WWOX: variants seen among roughly 807,000 people sequenced by gnomAD.
WWOX encodes WW domain containing oxidoreductase, also known as WW domain-containing oxidoreductase.
A neutral mutation model predicts 46.2 loss-of-function variants in WWOX; 69 were observed. That is an observed-to-expected ratio of 1.49 (90% CI 1.23 to 1.82). The LOEUF (loss-of-function observed/expected upper bound fraction) is 1.82. WWOX is among the 40% of genes most tolerant of loss of function. The pLI, the probability that WWOX is intolerant of heterozygous loss-of-function variation, is 0.00. For synonymous variants in WWOX, 359 were observed against 202.6 expected, an observed-to-expected ratio of 1.77 and a Z score of -6.56; for missense variants, 919 against 542.6, an observed-to-expected ratio of 1.69 and a Z score of -6.89.
At chr16:78,495,209 C>T (rs540472619) in intron 8 of WWOX, among the ~76,000 whole-genome samples, 5 of 130,778 alleles carry the variant, frequency 3.8e-5, no homozygotes, top group Admixed American at 1.0e-4. Flanking sequence ...GGCATGATCT[C>T]GGCTCACTGC....
chr16:78,830,695 A>C (rs1313549896), intron 8 of WWOX, among the ~76,000 whole-genome samples: 3 of 151,842 alleles, frequency 2.0e-5, no homozygotes, highest in Admixed American at 2.0e-4. Flanking sequence ...ACGGCCGTGC[A>C]GCTTTCTGGG....
At chr16:78,411,603 G>A (rs1203137282) in intron 6 of WWOX, among the ~76,000 whole-genome samples, 2 of 152,148 alleles carry the variant, frequency 1.3e-5, no homozygotes, top group Admixed American at 1.3e-4. Flanking sequence ...GTTTAATTTA[G>A]CAGACATTTA....
intron 8 of WWOX, among the ~76,000 whole-genome samples, chr16:79,085,187 C>T (rs547776307): frequency 6.6e-6 from 1 of 152,246 alleles, no homozygotes; most frequent in Non-Finnish European, 1.5e-5. Context: ...CCATTTCTGT[C>T]TTTGTCTCTC....
chr16:79,120,314 A>G (rs931197057), intron 8 of WWOX, among the ~76,000 whole-genome samples: 1 of 152,118 alleles, frequency 6.6e-6, no homozygotes, highest in African/African-American at 2.4e-5. Flanking sequence ...TGCTCAAGCT[A>G]TTGCTGTCAG....
intron 8 of WWOX, among the ~76,000 whole-genome samples, chr16:78,843,678 G>C (rs1335710779): frequency 7.5e-6 from 1 of 132,670 alleles, no homozygotes; most frequent in African/African-American, 2.5e-5. Context: ...TTCCCTCTCC[G>C]TGGCTCAGCA....
At chr16:79,130,030 A>C (rs1010932572) in intron 8 of WWOX, among the ~76,000 whole-genome samples, 1 of 152,236 alleles carries the variant, frequency 6.6e-6, no homozygotes, top group South Asian at 2.1e-4. Context: ...ACTCCTTGTT[A>C]GCAGTTTTCA....
chr16:78,690,183 C>G (rs72796644), intron 8 of WWOX, among the ~76,000 whole-genome samples: 53,437 of 151,780 alleles, frequency 0.35, 10,044 homozygotes, highest in South Asian at 0.41. Flanking sequence ...TAACAACCCC[C>G]CCTCCACACT....
At chr16:78,866,211 G>C (rs2043999951) in intron 8 of WWOX, among the ~76,000 whole-genome samples, 1 of 152,046 alleles carries the variant, frequency 6.6e-6, no homozygotes, top group East Asian at 1.9e-4. Flanking sequence ...CCTTCTGCCA[G>C]TCTCCATAGC....
chr16:78,924,222 G>C (rs980757511), intron 8 of WWOX, among the ~76,000 whole-genome samples: 2 of 152,166 alleles, frequency 1.3e-5, no homozygotes, highest in Non-Finnish European at 2.9e-5. Flanking sequence ...TGGTCTTGAA[G>C]CTGTGAATTC....
intron 5 of WWOX, among the ~76,000 whole-genome samples, chr16:78,360,875 C>T (rs1424142873): frequency 6.6e-6 from 1 of 151,584 alleles, no homozygotes; most frequent in Non-Finnish European, 1.5e-5. Flanking sequence ...GGCTGGAGCA[C>T]AGTGGTACGA....
At chr16:78,151,930 C>A (rs938870288) in intron 4 of WWOX, among the ~76,000 whole-genome samples, 1 of 152,172 alleles carries the variant, frequency 6.6e-6, no homozygotes, top group African/African-American at 2.4e-5. Context: ...GTGGCTCACG[C>A]CTGTAATCCC....
At position 78,185,236 on chromosome 16, in the gene WWOX, G is replaced by A. The variant is rs28580229; in HGVS notation, c.516+20947G>A. On this transcript the variant is annotated intron_variant, in intron 5 of 8. Transcript: ENST00000566780. The stretch of plus-strand genomic sequence containing the variant: ...AGAATAGCCAAAGATTTCTTTCCAC[G>A]GTCATGTCAAGCCTTTTTGCTGTTA... 6.4e-3 allele frequency among the ~76,000 whole-genome samples: 980 copies of A among 152,216 alleles called. 7 individuals carry two copies. The highest frequency in any genetic ancestry group is 0.022 in the African/African-American group (922 of 41,544).
Position 78,184,015 on chromosome 16 carries a change from T to C in WWOX, c.516+19726T>C, listed in dbSNP as rs374449280. Among the ~76,000 whole-genome samples the C allele has an allele frequency of 5.5e-4, 83 of 152,244 alleles. 2 individuals are homozygous for C. Among genetic ancestry groups the C allele is most frequent in the African/African-American group, 1.9e-3 (80 of 41,546 alleles). On this transcript the variant is annotated intron_variant, in intron 5 of 8. Coordinates refer to ENST00000566780, the MANE Select transcript of WWOX (RefSeq NM_016373.4). ...CAGCAACTTCACATCAAGGGCTCAA[T>C]TGCAGCTCCAATATAAAAACCTCCC...
chr16:78,706,411 G>C (rs2048329413), intron 8 of WWOX, among the ~76,000 whole-genome samples: 2 of 152,030 alleles, frequency 1.3e-5, no homozygotes, highest in Admixed American at 6.6e-5. Flanking sequence ...GGCATCCTGA[G>C]CCTTCCCGAT....
At chr16:78,607,281 TATACAAA>T (rs2045782268) in intron 8 of WWOX, among the ~76,000 whole-genome samples, 1 of 152,194 alleles carries the variant, frequency 6.6e-6, no homozygotes, top group South Asian at 2.1e-4. Flanking sequence ...ATTAAAAATA[TATACAAA>T]ATAGTTGTAA....
At chr16:78,477,678 A>G (rs191206442) in intron 8 of WWOX, among the ~76,000 whole-genome samples, 12 of 152,310 alleles carry the variant, frequency 7.9e-5, no homozygotes, top group African/African-American at 2.9e-4. Context: ...ATTTTAGCCT[A>G]TAAACTGAAA....
chr16:78,586,326 C>A (rs1172287299), intron 8 of WWOX, among the ~76,000 whole-genome samples: 5 of 152,136 alleles, frequency 3.3e-5, no homozygotes, highest in African/African-American at 1.2e-4. Context: ...TGCCAGGACG[C>A]CATGAAATAA....
intron 8 of WWOX, among the ~76,000 whole-genome samples, chr16:78,625,446 G>T (rs762737307): frequency 6.6e-6 from 1 of 152,116 alleles, no homozygotes; most frequent in Non-Finnish European, 1.5e-5. Flanking sequence ...TTTAATTTCA[G>T]TTGGTACATA....
intron 8 of WWOX, among the ~76,000 whole-genome samples, chr16:78,997,041 T>A (rs189109821): frequency 6.6e-6 from 1 of 152,324 alleles, no homozygotes; most frequent in East Asian, 1.9e-4. Flanking sequence ...TAGTTGATAG[T>A]GCTGCCACAG....
Sources: gnomAD v4.1 joint callset for allele counts (sites outside exome capture counted in the v4.1 genomes callset) on GRCh38, gnomAD v4.1.1 for gene constraint, MANE v1.5 for transcripts, NCBI Gene and HGNC (gene_info 2026-07-23, HGNC 2026-07-21) for gene names.